Variants in TNFRSF1A observed in about 807,000 individuals in gnomAD.
TNFRSF1A encodes the protein TNF receptor superfamily member 1A.
TNFRSF1A carries 9 observed loss-of-function variants against 41.6 expected under a neutral mutation model. The observed-to-expected ratio is 0.22, with a 90% confidence interval of 0.13 to 0.38. The LOEUF (loss-of-function observed/expected upper bound fraction) is 0.38, where lower values mean the gene tolerates loss of function less well. TNFRSF1A is among the 10% of genes least tolerant of loss of function. The probability of loss-of-function intolerance (pLI) is 1.00; values close to 1 mark genes in which losing one functional copy is unlikely to be tolerated. For missense variants in TNFRSF1A, 463 were observed against 591.5 expected, an observed-to-expected ratio of 0.78 and a Z score of 2.25; for synonymous variants, 254 against 248.6, an observed-to-expected ratio of 1.02 and a Z score of -0.21.
In TNFRSF1A at chr12:6,329,544, C is replaced by T. The variant is rs1283613952; in HGVS notation, c.1136G>A (p.Gly379Glu). ...LRWKEFVRRL[G>E]LSDHEIDRLE... ...CCGATCGATCTCGTGGTCGCTCAGC[C>T]CTAGGCGCCGCACGAATTCCTTCCA... Residue 379 changes from glycine (G) to glutamate (E), a missense_variant, in exon 10 of 10, where the codon GGG becomes GAG. By Grantham distance (98) the Gly-to-Glu change is moderately conservative (BLOSUM62 -2). Coordinates refer to ENST00000162749, the MANE Select transcript of TNFRSF1A (RefSeq NM_001065.4). The T allele has an allele frequency of 6.3e-7, 1 of 1,593,400 alleles. No individual in the cohort carries two copies. Among genetic ancestry groups the T allele is most frequent in the South Asian group, 1.1e-5 (1 of 90,428 alleles).
At chr12:6,336,780 T>C (rs988739078) in intron 1 of TNFRSF1A, among the ~76,000 whole-genome samples, 1 of 152,124 alleles carries the variant, frequency 6.6e-6, no homozygotes, top group Non-Finnish European at 1.5e-5. Context: ...GCTAAACCCA[T>C]TCCGTGAGCT....
intron 1 of TNFRSF1A, among the ~76,000 whole-genome samples, chr12:6,336,059 G>A (rs1473948287): frequency 6.6e-6 from 1 of 152,204 alleles, no homozygotes; most frequent in Non-Finnish European, 1.5e-5. Context: ...TCCTGAAAGT[G>A]TGGTTCCTTT....
intron 1 of TNFRSF1A, among the ~76,000 whole-genome samples, chr12:6,338,794 TA>T: frequency 6.6e-6 from 1 of 152,150 alleles, no homozygotes; most frequent in Non-Finnish European, 1.5e-5. Flanking sequence ...CATGCCCCGC[TA>T]ATCTTTGTAT....
rs4149571 is a variant in TNFRSF1A at position 6,341,029 on chromosome 12, G to C, written c.39+747C>G. 0.016 allele frequency among the ~76,000 whole-genome samples: 2,365 copies of C among 152,262 alleles called. 63 individuals carry two copies. The highest frequency in any genetic ancestry group is 0.053 in the African/African-American group (2,219 of 41,532). On this transcript the variant is annotated intron_variant, in intron 1 of 9. Transcript: ENST00000162749. This position sits in a 1 kb window ranked among gnomAD's most constrained non-coding sequence, Gnocchi z 4.6. ...ACAGGCCCAGGGACACTGACCAGGT[G>C]GGGGTAGGACTAGCTCCCTGGGAAG... is the stretch of plus-strand genomic sequence containing the variant.
chr12:6,333,938 C>G lies in TNFRSF1A; in HGVS notation c.194-73G>C, dbSNP rs999484452. The G allele has an allele frequency of 1.2e-6, 2 of 1,604,928 alleles. No homozygotes were observed. Among genetic ancestry groups the G allele is most frequent in the East Asian group, 2.2e-5 (1 of 44,636 alleles). ...GGAGCCCCATGCTAGGGACAACAGC[C>G]AGGGCCGATTCCCTGAAGTCTCTAG... On this transcript the variant is annotated intron_variant, in intron 2 of 9. Coordinates refer to ENST00000162749, the MANE Select transcript of TNFRSF1A (RefSeq NM_001065.4). The surrounding 1 kb of genome is among the most constrained non-coding windows in gnomAD (Gnocchi z 6.3).
chr12:6,333,645 C>T lies in TNFRSF1A; in HGVS notation c.322+92G>A. 1 of 1,568,346 alleles carries T rather than the reference C, an allele frequency of 6.4e-7. No individual in the cohort carries two copies. Among genetic ancestry groups the T allele is most frequent in the Non-Finnish European group, 8.7e-7 (1 of 1,155,824 alleles). On this transcript the variant is annotated intron_variant, in intron 3 of 9. Coordinates refer to ENST00000162749, the MANE Select transcript of TNFRSF1A (RefSeq NM_001065.4). The surrounding 1 kb of genome is among the most constrained non-coding windows in gnomAD (Gnocchi z 6.3). ...CCATGCAGTGTCCCACCAAAACACA[C>T]ACCTTCCTGCCCACACCCACCAGCC...
chr12:6,338,119 A>G (rs1404124359), intron 1 of TNFRSF1A, among the ~76,000 whole-genome samples: 1 of 152,140 alleles, frequency 6.6e-6, no homozygotes, highest in Non-Finnish European at 1.5e-5. Context: ...GGCAGAAAGA[A>G]GTTGCAGCAC....
rs1409338682 is a variant in TNFRSF1A, at chr12:6,332,450, AAAAAAC to A, written c.551+613_551+618del. Among the ~76,000 whole-genome samples, 26 of 150,762 alleles carry A rather than the reference AAAAAAC, an allele frequency of 1.7e-4. 5 individuals carry two copies. Among genetic ancestry groups the A allele is most frequent in the Admixed American group, 2.6e-4 (4 of 15,152 alleles). On this transcript the variant is annotated intron_variant, in intron 5 of 9. Transcript: ENST00000162749. ...CCCTGTCTCAAAAAAAAAAAAAAAA[AAAAAAC>A]ACCAAAAGAAAAGTCAGGCTCAGAG... is the stretch of plus-strand genomic sequence containing the variant.
At position 6,334,032 on chromosome 12, in the gene TNFRSF1A, G is replaced by A; in HGVS notation, c.193+59C>T. On this transcript the variant is annotated intron_variant, in intron 2 of 9. Coordinates refer to ENST00000162749, the MANE Select transcript of TNFRSF1A (RefSeq NM_001065.4). The surrounding 1 kb of genome is among the most constrained non-coding windows in gnomAD (Gnocchi z 5.1). ...AGTTAGGGAAGAACAACTGGAAGAA[G>A]CAGAGAAAGAAGCAGCACCCCAGAC... 6.2e-7 allele frequency: 1 copy of A among 1,612,322 alleles called. No homozygotes were observed.
Position 6,337,047 on chromosome 12 carries a change from G to A in TNFRSF1A, c.40-2803C>T, listed in dbSNP as rs1193139027. On this transcript the variant is annotated intron_variant, in intron 1 of 9. Transcript: ENST00000162749. The surrounding 1 kb of genome is among the most constrained non-coding windows in gnomAD (Gnocchi z 4.6). ...ACCCACTTCCAGGAACGAGGGAGCA[G>A]GCAAGAAGGGATGCCGGATGGAAGA... Among the ~76,000 whole-genome samples the A allele has an allele frequency of 1.3e-5, 2 of 152,200 alleles. No individual in the cohort carries two copies. The highest frequency in any genetic ancestry group is 2.9e-5 in the Non-Finnish European group (2 of 68,024).
At chr12:6,330,995 A>G in intron 5 of TNFRSF1A, 69 bp from the exon 6 acceptor site, 1 of 1,297,818 alleles carries the variant, frequency 7.7e-7, no homozygotes, top group Admixed American at 1.8e-5. Context: ...ACAACCACAC[A>G]GATTGTTGGA....
At chr12:6,330,743 C>G in intron 6 of TNFRSF1A, 32 bp from the exon 7 acceptor site, 1 of 1,592,484 alleles carries the variant, frequency 6.3e-7, no homozygotes. Flanking sequence ...GTCAGAGGAG[C>G]GGGCAGAGGG....
chr12:6,341,622 A>G lies in TNFRSF1A; in HGVS notation c.39+154T>C, dbSNP rs1948195857. On this transcript the variant is annotated intron_variant, in intron 1 of 9. Coordinates refer to ENST00000162749, the MANE Select transcript of TNFRSF1A (RefSeq NM_001065.4). This position sits in a 1 kb window ranked among gnomAD's most constrained non-coding sequence, Gnocchi z 4.6. ...AAGGCGGATGAATGGGGAACCCCAC[A>G]CTGGCAGTGGCTGAGGTTAGGACCT... Among the ~76,000 whole-genome samples the G allele has an allele frequency of 6.6e-6, 1 of 152,040 alleles. No homozygotes were observed.
At position 6,329,671 on chromosome 12, in the gene TNFRSF1A, C is replaced by T. The variant is rs770706783; in HGVS notation, c.1058-49G>A. On this transcript the variant is annotated intron_variant, in intron 9 of 9. Coordinates refer to ENST00000162749, the MANE Select transcript of TNFRSF1A (RefSeq NM_001065.4). ...CCTCGGGCGGCAACCCCAGGCCCCG[C>T]CCCGCATCCCGCGCCCTCCGCCTCT... The T allele has an allele frequency of 8.4e-6, 13 of 1,545,154 alleles. No homozygotes were observed. In the South Asian group the frequency reaches 1.3e-4, roughly 16 times the overall value.
chr12:6,330,197 G>A (rs914129271), intron 8 of TNFRSF1A, 70 bp downstream of exon 8: 29 of 1,612,920 alleles, frequency 1.8e-5, no homozygotes, highest in Non-Finnish European at 2.4e-5. Flanking sequence ...GATTCCAGGG[G>A]ATCTGAGCAT....
Position 6,341,089 on chromosome 12 carries a change from G to A in TNFRSF1A, c.39+687C>T, listed in dbSNP as rs1207177897. Among the ~76,000 whole-genome samples the A allele has an allele frequency of 6.6e-6, 1 of 152,150 alleles. No homozygotes were observed. Among genetic ancestry groups the A allele is most frequent in the Non-Finnish European group, 1.5e-5 (1 of 68,016 alleles). ...CACAGCGGCTACCTGCCTAGCAGCA[G>A]GCAAAAGGGTAAAGAATGTCCCCAG... On this transcript the variant is annotated intron_variant, in intron 1 of 9. Transcript: ENST00000162749. The surrounding 1 kb of genome is among the most constrained non-coding windows in gnomAD (Gnocchi z 4.6).
Position 6,337,224 on chromosome 12 carries a change from G to A in TNFRSF1A, c.40-2980C>T, listed in dbSNP as rs748900001. Among the ~76,000 whole-genome samples the A allele has an allele frequency of 3.4e-4, 52 of 152,188 alleles. No homozygotes were observed. The highest frequency in any genetic ancestry group is 3.1e-3 in the Admixed American group (47 of 15,270). On this transcript the variant is annotated intron_variant, in intron 1 of 9. Coordinates refer to ENST00000162749, the MANE Select transcript of TNFRSF1A (RefSeq NM_001065.4). This position sits in a 1 kb window ranked among gnomAD's most constrained non-coding sequence, Gnocchi z 4.6. ...AGTAAGCCCAGTCCTCAGCAGTTGCGTAAATGAAGCAAAACAGGAGAAACA... is the reference window on the plus strand; with the variant it reads ...AGTAAGCCCAGTCCTCAGCAGTTGCATAAATGAAGCAAAACAGGAGAAACA...
At chr12:6,330,779 G>A in intron 6 of TNFRSF1A, 68 bp from the exon 7 acceptor site, 1 of 1,575,526 alleles carries the variant, frequency 6.3e-7, no homozygotes, top group Non-Finnish European at 8.7e-7. Flanking sequence ...ATGGATGGGT[G>A]GGATGGATGG....
At chr12:6,340,357 T>G (rs944129824) in intron 1 of TNFRSF1A, among the ~76,000 whole-genome samples, 1 of 151,970 alleles carries the variant, frequency 6.6e-6, no homozygotes, top group African/African-American at 2.4e-5. Flanking sequence ...GCATGGAAGG[T>G]TAGGTTATAT....
Sources: allele counts gnomAD v4.1 joint callset (sites outside exome capture counted in the v4.1 genomes callset), GRCh38; gene constraint gnomAD v4.1.1; non-coding constraint Gnocchi (gnomAD v3.1); transcripts MANE v1.5; gene names NCBI Gene and HGNC (gene_info 2026-07-23, HGNC 2026-07-21).